GRID1: variants seen among roughly 807,000 people sequenced by gnomAD.
GRID1 encodes glutamate receptor ionotropic, delta-1.
GRID1 carries 28 observed loss-of-function variants against 98.0 expected under a neutral mutation model. The ratio of observed to expected loss-of-function variants is 0.29; its 90% confidence interval spans 0.21 to 0.39. GRID1 has a LOEUF of 0.39. GRID1 is among the 10% of genes least tolerant of loss of function. The pLI is 1.00. For missense variants in GRID1, 1,111 were observed against 1,340.5 expected, an observed-to-expected ratio of 0.83 and a Z score of 2.67; for synonymous variants, 553 against 538.5, an observed-to-expected ratio of 1.03 and a Z score of -0.37.
At chr10:86,279,428 T>C (rs1324359419) in intron 2 of GRID1, among the ~76,000 whole-genome samples, 1 of 152,160 alleles carries the variant, frequency 6.6e-6, no homozygotes, top group Non-Finnish European at 1.5e-5. Context: ...TGATAATACA[T>C]CACGACTAAG....
At chr10:85,677,300 G>A (rs896419131) in intron 12 of GRID1, among the ~76,000 whole-genome samples, 1 of 152,224 alleles carries the variant, frequency 6.6e-6, no homozygotes, top group African/African-American at 2.4e-5. Flanking sequence ...TGCACACCCA[G>A]CCAGCATGCC....
intron 4 of GRID1, among the ~76,000 whole-genome samples, chr10:86,060,654 G>A (rs535040158): frequency 6.6e-6 from 1 of 152,300 alleles, no homozygotes; most frequent in African/African-American, 2.4e-5. Flanking sequence ...CAGGGCGCTG[G>A]CCTGGACTGG....
At chr10:86,341,827 C>A (rs577013631) in intron 2 of GRID1, among the ~76,000 whole-genome samples, 2 of 152,302 alleles carry the variant, frequency 1.3e-5, no homozygotes, top group East Asian at 3.9e-4. Context: ...AAGAGCTGTG[C>A]GCCTGCAGTT....
intron 4 of GRID1, among the ~76,000 whole-genome samples, chr10:86,028,756 T>C (rs1843148504): frequency 6.6e-6 from 1 of 152,068 alleles, no homozygotes; most frequent in Non-Finnish European, 1.5e-5. Context: ...GAAAGGGCCA[T>C]TTTCATCTCA....
intron 8 of GRID1, among the ~76,000 whole-genome samples, chr10:85,782,187 A>T (rs893711809): frequency 6.6e-5 from 10 of 152,316 alleles, no homozygotes; most frequent in African/African-American, 2.4e-4. Context: ...CAATTACGAC[A>T]CTTAACAACT....
intron 12 of GRID1, among the ~76,000 whole-genome samples, chr10:85,692,804 C>T (rs1042317400): frequency 2.0e-5 from 3 of 152,058 alleles, no homozygotes; most frequent in African/African-American, 7.2e-5. Context: ...AAAACTGAAT[C>T]CTGAAAAATT....
At chr10:85,790,810 C>T (rs1422484859) in intron 8 of GRID1, among the ~76,000 whole-genome samples, 1 of 152,218 alleles carries the variant, frequency 6.6e-6, no homozygotes, top group Non-Finnish European at 1.5e-5. Flanking sequence ...CTCCTCACAA[C>T]CTCTCAAGTG....
At chr10:86,337,301 G>T (rs1197567369) in intron 2 of GRID1, among the ~76,000 whole-genome samples, 1 of 152,182 alleles carries the variant, frequency 6.6e-6, no homozygotes, top group Non-Finnish European at 1.5e-5. Context: ...ACCAAAGGCT[G>T]CCTGGGAGAG....
chr10:85,855,894 A>G, intron 7 of GRID1, 135 bp downstream of exon 7: 1 of 716,430 alleles, frequency 1.4e-6, no homozygotes, highest in East Asian at 2.5e-5. Context: ...AGTGACAAGG[A>G]GAGAGGAATG....
chr10:86,308,228 T>C (rs1007530838), intron 2 of GRID1, among the ~76,000 whole-genome samples: 13 of 152,222 alleles, frequency 8.5e-5, no homozygotes, highest in Admixed American at 7.9e-4. Flanking sequence ...TTCCTCTTTA[T>C]CCTCATGGAT....
intron 8 of GRID1, among the ~76,000 whole-genome samples, chr10:85,816,433 C>T (rs914146470): frequency 4.6e-5 from 7 of 152,300 alleles, no homozygotes; most frequent in Middle Eastern, 3.4e-3. Flanking sequence ...AGGCTACATA[C>T]ATATCATGTA....
At chr10:86,007,163 T>A (rs1589333891) in intron 4 of GRID1, among the ~76,000 whole-genome samples, 2 of 152,290 alleles carry the variant, frequency 1.3e-5, no homozygotes, top group East Asian at 3.9e-4. Context: ...GATAAGAAAA[T>A]TAAACGCTGT....
intron 12 of GRID1, among the ~76,000 whole-genome samples, chr10:85,662,491 C>T (rs1029961536): frequency 1.6e-4 from 25 of 152,298 alleles, no homozygotes; most frequent in African/African-American, 5.8e-4. Context: ...CCATCTCAGC[C>T]GAACCCTGCC....
At chr10:85,694,588 AT>A in intron 12 of GRID1, among the ~76,000 whole-genome samples, 4 of 91,326 alleles carry the variant, frequency 4.4e-5, no homozygotes, top group Non-Finnish European at 8.2e-5. Flanking sequence ...ATATATATAT[AT>A]ATATATATAT....
chr10:85,925,091 T>C (rs967714819), intron 4 of GRID1, among the ~76,000 whole-genome samples: 5 of 152,158 alleles, frequency 3.3e-5, no homozygotes, highest in African/African-American at 1.2e-4. Flanking sequence ...TTTAATAAGA[T>C]CAACTTGGAG....
At chr10:85,777,074 A>G (rs1228351400) in intron 8 of GRID1, among the ~76,000 whole-genome samples, 1 of 152,240 alleles carries the variant, frequency 6.6e-6, no homozygotes, top group East Asian at 1.9e-4. Context: ...AGGGTCCTAT[A>G]TCAGCACAAA....
At chr10:86,332,544 C>T (rs893709690) in intron 2 of GRID1, among the ~76,000 whole-genome samples, 1 of 152,016 alleles carries the variant, frequency 6.6e-6, no homozygotes, top group African/African-American at 2.4e-5. Flanking sequence ...CCCAATGTCA[C>T]CCCCAATAAG....
intron 5 of GRID1, among the ~76,000 whole-genome samples, chr10:85,870,442 C>T (rs1433040233): frequency 6.6e-6 from 1 of 152,240 alleles, no homozygotes; most frequent in East Asian, 1.9e-4. Flanking sequence ...TGTGGAACTT[C>T]ACCTTGTGAT....
At chr10:85,907,450 A>G (rs868794918) in intron 5 of GRID1, among the ~76,000 whole-genome samples, 2 of 152,204 alleles carry the variant, frequency 1.3e-5, no homozygotes, top group African/African-American at 4.8e-5. Context: ...AAACGGAAAA[A>G]TTTCTGGAAA....
Sources: gnomAD v4.1 joint callset for allele counts (sites outside exome capture counted in the v4.1 genomes callset) on GRCh38, gnomAD v4.1.1 for gene constraint, MANE v1.5 for transcripts, NCBI Gene and HGNC (gene_info 2026-07-23, HGNC 2026-07-21) for gene names.